FGGY: variants seen among roughly 807,000 people sequenced by gnomAD.
FGGY encodes FGGY carbohydrate kinase domain-containing protein.
In FGGY, 72 loss-of-function variants were observed where a neutral mutation model predicts 71.3. The ratio of observed to expected loss-of-function variants is 1.01; its 90% CI spans 0.84 to 1.23. The LOEUF is 1.23. FGGY is among the 50% of genes most tolerant of loss of function. FGGY has a pLI of 0.00. For missense variants in FGGY, 668 were observed against 682.3 expected, an observed-to-expected ratio of 0.98 and a Z score of 0.23; for synonymous variants, 251 against 250.3, an observed-to-expected ratio of 1.00 and a Z score of -0.02.
At chr1:59,540,879 C>G (rs7549983) in intron 7 of FGGY, among the ~76,000 whole-genome samples, 4,293 of 152,178 alleles carry the variant, frequency 0.028, 203 homozygotes, top group African/African-American at 0.099. Context: ...GGAGCAACTC[C>G]CAACTCAACA....
chr1:59,436,954 C>T (rs1572134968), intron 5 of FGGY, among the ~76,000 whole-genome samples: 1 of 152,216 alleles, frequency 6.6e-6, no homozygotes, highest in African/African-American at 2.4e-5. Flanking sequence ...TCCCATGACA[C>T]TATGCCACAG....
At chr1:59,367,539 A>T (rs1216850361) in intron 4 of FGGY, among the ~76,000 whole-genome samples, 1 of 152,248 alleles carries the variant, frequency 6.6e-6, no homozygotes, top group Non-Finnish European at 1.5e-5. Context: ...TTTACTGCTC[A>T]CAGCAGATAA....
intron 6 of FGGY, among the ~76,000 whole-genome samples, chr1:59,510,192 C>CCATG (rs973978215): frequency 6.6e-6 from 1 of 151,906 alleles, no homozygotes; most frequent in Non-Finnish European, 1.5e-5. Flanking sequence ...AGAGTAGAAC[C>CCATG]CATGGCCTGT....
chr1:59,311,825 T>C (rs1054405069), intron 1 of FGGY, among the ~76,000 whole-genome samples: 3 of 152,164 alleles, frequency 2.0e-5, no homozygotes, highest in Non-Finnish European at 4.4e-5. Flanking sequence ...CATACTGCCT[T>C]CTACTCTTCC....
chr1:59,509,065 G>T (rs2094459482), intron 6 of FGGY, among the ~76,000 whole-genome samples: 1 of 152,186 alleles, frequency 6.6e-6, no homozygotes, highest in Non-Finnish European at 1.5e-5. Flanking sequence ...GTCCTGGGAG[G>T]TGCATCACCT....
chr1:59,312,579 A>G (rs1339140334), intron 1 of FGGY, among the ~76,000 whole-genome samples: 2 of 152,182 alleles, frequency 1.3e-5, no homozygotes, highest in African/African-American at 4.8e-5. Flanking sequence ...GTTTTATGGA[A>G]GATGGTATGG....
At chr1:59,439,114 T>C (rs893799030) in intron 5 of FGGY, among the ~76,000 whole-genome samples, 5 of 152,180 alleles carry the variant, frequency 3.3e-5, no homozygotes, top group African/African-American at 1.2e-4. Context: ...ATGTTACTTA[T>C]TATATTTCAG....
chr1:59,594,009 G>A (rs1007186696), intron 8 of FGGY, among the ~76,000 whole-genome samples: 1 of 152,174 alleles, frequency 6.6e-6, no homozygotes, highest in Admixed American at 6.5e-5. Flanking sequence ...ACCCTGGGGG[G>A]CAGCTATTAT....
chr1:59,438,152 T>G (rs2068910639), intron 5 of FGGY, among the ~76,000 whole-genome samples: 2 of 152,196 alleles, frequency 1.3e-5, no homozygotes, highest in African/African-American at 2.4e-5. Flanking sequence ...GGCTTTTAGT[T>G]CATTGTTATT....
intron 14 of FGGY, among the ~76,000 whole-genome samples, chr1:59,751,068 T>G (rs2098241257): frequency 6.6e-6 from 1 of 152,178 alleles, no homozygotes; most frequent in South Asian, 2.1e-4. Context: ...ACAGGGAGAA[T>G]GGTACCACTG....
At chr1:59,313,582 ACG>A (rs2044779414) in intron 1 of FGGY, among the ~76,000 whole-genome samples, 1 of 151,988 alleles carries the variant, frequency 6.6e-6, no homozygotes, top group South Asian at 2.1e-4. Flanking sequence ...ACACACACAC[ACG>A]CACGCACACA....
chr1:59,361,261 G>A (rs1049405675), intron 4 of FGGY, among the ~76,000 whole-genome samples: 1 of 152,156 alleles, frequency 6.6e-6, no homozygotes, highest in Non-Finnish European at 1.5e-5. Context: ...TGGGAATATA[G>A]CAGTAAGGAA....
At chr1:59,578,368 G>A (rs373136898) in intron 8 of FGGY, among the ~76,000 whole-genome samples, 57 of 152,108 alleles carry the variant, frequency 3.7e-4, no homozygotes, top group South Asian at 3.3e-3. Context: ...AGATAACAAC[G>A]TATATGCATC....
chr1:59,455,741 C>G (rs1271466297), intron 5 of FGGY, among the ~76,000 whole-genome samples: 3 of 152,202 alleles, frequency 2.0e-5, no homozygotes, highest in Non-Finnish European at 1.5e-5. Flanking sequence ...ACTCCATGCT[C>G]TGGGAAATCA....
intron 8 of FGGY, among the ~76,000 whole-genome samples, chr1:59,576,677 GACACACACACAC>G (rs57817494): frequency 0.017 from 2,277 of 130,116 alleles, 67 homozygotes; most frequent in African/African-American, 0.066. Flanking sequence ...CAGACAGACA[GACACACACACAC>G]ACACACACAC....
At position 59,681,172 on chromosome 1, in the gene FGGY, TTTAA is replaced by T. The variant is rs537399505; in HGVS notation, c.1512+7044_1512+7047del. On this transcript the variant is annotated intron_variant, in intron 14 of 15. Coordinates refer to ENST00000303721, the MANE Select transcript of FGGY (RefSeq NM_018291.5). ...CACTTTAGGTAGATATAAAAAGCAC[TTTAA>T]TTAAGAACATGAATTAAAAGATACT... Among the ~76,000 whole-genome samples, 69 of 152,332 alleles carry T rather than the reference TTTAA, an allele frequency of 4.5e-4. 1 individual carries two copies. Among genetic ancestry groups the T allele is most frequent in the Admixed American group, 2.6e-3 (39 of 15,292 alleles).
intron 8 of FGGY, among the ~76,000 whole-genome samples, chr1:59,602,974 A>C (rs1454186338): frequency 6.6e-6 from 1 of 152,194 alleles, no homozygotes; most frequent in Non-Finnish European, 1.5e-5. Context: ...AGCTTTATTG[A>C]GCTCAGTGTC....
At chr1:59,586,844 C>G (rs939849271) in intron 8 of FGGY, among the ~76,000 whole-genome samples, 2 of 152,194 alleles carry the variant, frequency 1.3e-5, no homozygotes, top group Non-Finnish European at 2.9e-5. Context: ...CAGCTCTGGT[C>G]TACAGCTCCC....
At chr1:59,470,644 TAAAC>T (rs1297402321) in intron 6 of FGGY, among the ~76,000 whole-genome samples, 1 of 152,360 alleles carries the variant, frequency 6.6e-6, no homozygotes, top group East Asian at 1.9e-4. Context: ...TTCCCTTTTG[TAAAC>T]AAACCATAGA....
Sources: allele counts gnomAD v4.1 joint callset (sites outside exome capture counted in the v4.1 genomes callset), GRCh38; gene constraint gnomAD v4.1.1; transcripts MANE v1.5; gene names NCBI Gene and HGNC (gene_info 2026-07-23, HGNC 2026-07-21).